The following SMUG1 variants were observed in gnomAD, a reference collection of about 807,000 sequenced individuals.
SMUG1 encodes the protein single-strand-selective monofunctional uracil-DNA glycosylase 1.
In SMUG1, 13 loss-of-function variants were observed where a neutral mutation model predicts 23.9. The observed-to-expected ratio is 0.54, with a 90% CI of 0.35 to 0.86. The LOEUF (loss-of-function observed/expected upper bound fraction) is 0.86, where lower values mean the gene tolerates loss of function less well. Ranked by LOEUF, SMUG1 falls within the 40% of genes least tolerant of loss-of-function variation. The pLI is 0.01. For missense variants in SMUG1, 313 were observed against 339.5 expected (o/e 0.92, Z 0.61); for synonymous variants, 133 against 139.8 (o/e 0.95, Z 0.34).
chr12:54,188,817 G>C (rs1203761180), intron 1 of SMUG1, 134 bp downstream of exon 1: 2 of 152,054 alleles, frequency 1.3e-5, no homozygotes, highest in African/African-American at 2.4e-5. Flanking sequence ...TCCCTGCACT[G>C]AGTCTTACCC....
At chr12:54,185,939 C>A (rs1322637701) in intron 2 of SMUG1, among the ~76,000 whole-genome samples, 1 of 152,086 alleles carries the variant, frequency 6.6e-6, no homozygotes, top group African/African-American at 2.4e-5. Flanking sequence ...AGGGAGGGGG[C>A]AGGAACATGA....
At chr12:54,161,174 C>T (rs748050267), downstream of SMUG1, among the ~76,000 whole-genome samples, 1 of 152,060 alleles carries the variant, frequency 6.6e-6, no homozygotes, top group Non-Finnish European at 1.5e-5. This position sits in a 1 kb window ranked among gnomAD's most constrained non-coding sequence, Gnocchi z 4.2. Context: ...CCCCCTCCCG[C>T]CCTCCTCCCT....
At chr12:54,182,673 C>T in intron 3 of SMUG1, 50 bp from the exon 4 acceptor site, 2 of 1,557,508 alleles carry the variant, frequency 1.3e-6, no homozygotes, top group Non-Finnish European at 1.7e-6. Flanking sequence ...AGACCTGAGG[C>T]CCGGGCTCTG....
chr12:54,174,331 G>A (rs1000330330), intron 2 of SMUG1, among the ~76,000 whole-genome samples: 12 of 152,176 alleles, frequency 7.9e-5, no homozygotes, highest in African/African-American at 2.9e-4. Flanking sequence ...GGTTCTGAGA[G>A]GGAGCTATAA....
chr12:54,182,325 T>C lies in SMUG1; in HGVS notation c.584A>G (p.Asp195Gly). The change falls in exon 4 of 4, where the codon GAT becomes GGT. Residue 195 changes from aspartate to glycine, a missense_variant. By Grantham distance (94) the Asp-to-Gly change is moderately conservative (BLOSUM62 -1). Coordinates refer to ENST00000682136, the MANE Select transcript of SMUG1 (RefSeq NM_001243787.2). ...CTGCACCTGCCGGCAGAGGGCTGCA[T>C]CACAGATCCCAAGAAGCTGTTCTCG... ...KQREQLLGIC[D>G]AALCRQVQLL... 6.2e-7 allele frequency: 1 copy of C among 1,614,078 alleles called. No homozygotes were observed. The highest frequency in any genetic ancestry group is 8.5e-7 in the Non-Finnish European group (1 of 1,180,018).
At chr12:54,164,606 C>T (rs1041565262), downstream of SMUG1, 1 of 152,388 alleles carries the variant, frequency 6.6e-6, no homozygotes, top group East Asian at 1.9e-4. Context: ...TACTTTCTCT[C>T]CACTGAGCCT....
In SMUG1 at chr12:54,185,346, A is replaced by G. The variant is rs150625826; in HGVS notation, c.-19-1387T>C. 2.2e-3 allele frequency among the ~76,000 whole-genome samples: 340 copies of G among 151,814 alleles called. 1 individual carries two copies. Among genetic ancestry groups the G allele is most frequent in the African/African-American group, 7.9e-3 (327 of 41,398 alleles). Reference sequence around the variant, plus strand: ...GCTGGGCGTTGTGGTGGGCACCTGTAATCCCAGCTACTCGGGAGGCTGAGG... The same window carrying G: ...GCTGGGCGTTGTGGTGGGCACCTGTGATCCCAGCTACTCGGGAGGCTGAGG... On this transcript the variant is annotated intron_variant, in intron 2 of 3. Coordinates refer to ENST00000682136, the MANE Select transcript of SMUG1 (RefSeq NM_001243787.2).
intron 2 of SMUG1, among the ~76,000 whole-genome samples, chr12:54,173,915 G>A (rs888712237): frequency 3.9e-5 from 6 of 151,926 alleles, no homozygotes; most frequent in Non-Finnish European, 7.4e-5. Context: ...GACACACAAA[G>A]ACACAACAGC....
At position 54,182,074 on chromosome 12, in the gene SMUG1, C is replaced by T. The variant is rs1304388275; in HGVS notation, c.*22G>A. 3.3e-6 allele frequency: 5 copies of T among 1,520,312 alleles called. No homozygotes were observed. Among genetic ancestry groups the T allele is most frequent in the Non-Finnish European group, 4.4e-6 (5 of 1,135,252 alleles). 94.2% of individuals were successfully genotyped at this position (1,520,312 alleles called of 1,614,324 possible). ...ATGACTTCGAGGTCTTGAATGTGTC[C>T]CATGCAAGGCCCCAAGGGCACTCAT... On this transcript the variant is annotated 3_prime_UTR_variant, in exon 4 of 4. Transcript: ENST00000682136.
chr12:54,184,665 C>A (rs149069112), intron 2 of SMUG1, among the ~76,000 whole-genome samples: 1 of 152,212 alleles, frequency 6.6e-6, no homozygotes, highest in Non-Finnish European at 1.5e-5. Flanking sequence ...TAACCACCCA[C>A]GCCATCTTGC....
Position 54,182,003 on chromosome 12 carries a change from CT to C in SMUG1, c.*92del. ...CAGCGACCAGGGTGCACAGAAGGACCTTTTGCTCCAGTCCAGGAGATGTGTT... is the reference window on the plus strand; with the variant it reads ...CAGCGACCAGGGTGCACAGAAGGACCTTTGCTCCAGTCCAGGAGATGTGTT... On this transcript the variant is annotated 3_prime_UTR_variant, in exon 4 of 4. Transcript: ENST00000682136. 1 of 1,508,210 alleles carries C rather than the reference CT, an allele frequency of 6.6e-7. No homozygotes were observed. Among genetic ancestry groups the C allele is most frequent in the Middle Eastern group, 2.5e-4 (1 of 4,066 alleles). 93.4% of individuals were successfully genotyped at this position (1,508,210 alleles called of 1,614,324 possible). A position where few individuals can be genotyped will look rare whatever the true frequency, so the allele number is the denominator to read the frequency against.
intron 3 of SMUG1, chr12:54,183,258 C>T (rs1024239732): frequency 6.0e-6 from 2 of 333,144 alleles, no homozygotes; most frequent in African/African-American, 4.2e-5. Context: ...CCCAGGTTCC[C>T]AGAACGCCCT....
chr12:54,177,418 CTG>C (rs1318810582), downstream of SMUG1, among the ~76,000 whole-genome samples: 1 of 152,206 alleles, frequency 6.6e-6, no homozygotes, highest in Non-Finnish European at 1.5e-5. Context: ...TGTTCAATTT[CTG>C]TGTCATCCAA....
intron 2 of SMUG1, among the ~76,000 whole-genome samples, chr12:54,174,752 G>GA (rs1401286926): frequency 6.6e-6 from 1 of 152,234 alleles, no homozygotes; most frequent in Non-Finnish European, 1.5e-5. Context: ...CAGGACTAGA[G>GA]ACAGACATCA....
chr12:54,161,807 G>A (rs1940273486), downstream of SMUG1, among the ~76,000 whole-genome samples: 1 of 152,186 alleles, frequency 6.6e-6, no homozygotes, highest in Non-Finnish European at 1.5e-5. The surrounding 1 kb of genome is among the most constrained non-coding windows in gnomAD (Gnocchi z 4.2). Context: ...AAAGTCCCCT[G>A]TCAGCAGAAC....
chr12:54,167,071 C>A (rs944343379), intron 3 of SMUG1, among the ~76,000 whole-genome samples: 3 of 152,126 alleles, frequency 2.0e-5, no homozygotes, highest in Non-Finnish European at 4.4e-5. Context: ...TCAGGAGACA[C>A]TGGAATTGCC....
chr12:54,183,352 T>C, intron 3 of SMUG1: 2 of 534,714 alleles, frequency 3.7e-6, no homozygotes, highest in Middle Eastern at 4.9e-4. Context: ...CCAACCACAC[T>C]TCAGGGACAG....
In SMUG1 at chr12:54,185,485, AAAATAAATAAAT is replaced by A. The variant is rs71070813; in HGVS notation, c.-19-1538_-19-1527del. On this transcript the variant is annotated intron_variant, in intron 2 of 3. Coordinates refer to ENST00000682136, the MANE Select transcript of SMUG1 (RefSeq NM_001243787.2). Reference sequence around the variant, plus strand: ...TCCATCTCAAAAAAAAATAAAATAAAAAATAAATAAATAAATAAATAAATAAATAAATAAATA... The same window carrying A: ...TCCATCTCAAAAAAAAATAAAATAAAAAATAAATAAATAAATAAATAAATA... 6.5e-3 allele frequency among the ~76,000 whole-genome samples: 553 copies of A among 85,260 alleles called. 62 individuals carry two copies. The highest frequency in any genetic ancestry group is 0.017 in the African/African-American group (432 of 25,772). 55.9% of individuals were successfully genotyped at this position (85,260 alleles called of 152,430 possible). A position where few individuals can be genotyped will look rare whatever the true frequency, so the allele number is the denominator to read the frequency against.
chr12:54,182,029 T>C lies in SMUG1; in HGVS notation c.*67A>G. The C allele has an allele frequency of 6.6e-7, 1 of 1,513,224 alleles. No individual in the cohort carries two copies. The highest frequency in any genetic ancestry group is 2.3e-5 in the East Asian group (1 of 43,890). 93.7% of individuals were successfully genotyped at this position (1,513,224 alleles called of 1,614,324 possible). ...TTTTGCTCCAGTCCAGGAGATGTGT[T>C]GTCATCTGCTTGGCCAAGAATGACT... On this transcript the variant is annotated 3_prime_UTR_variant, in exon 4 of 4. Coordinates refer to ENST00000682136, the MANE Select transcript of SMUG1 (RefSeq NM_001243787.2).
Sources: allele counts gnomAD v4.1 joint callset (sites outside exome capture counted in the v4.1 genomes callset), GRCh38; gene constraint gnomAD v4.1.1; non-coding constraint Gnocchi (gnomAD v3.1); transcripts MANE v1.5; gene names NCBI Gene and HGNC (gene_info 2026-07-23, HGNC 2026-07-21).